BRWD1: variants seen among roughly 807,000 people sequenced by gnomAD.
BRWD1 encodes bromodomain and WD repeat-containing protein 1.
A neutral mutation model predicts 251.2 loss-of-function variants in BRWD1; 82 were observed. The observed-to-expected ratio is 0.33, with a 90% CI of 0.27 to 0.39. The LOEUF is 0.39. Ranked by LOEUF, BRWD1 falls within the 10% of genes least tolerant of loss-of-function variation. BRWD1 has a pLI of 1.00. For missense variants in BRWD1, 2,233 were observed against 2,711.6 expected (o/e 0.82, Z 3.92); for synonymous variants, 918 against 902.8 (o/e 1.02, Z -0.30).
chr21:39,267,751 A>G (rs2034970492), intron 15 of BRWD1, among the ~76,000 whole-genome samples: 1 of 152,368 alleles, frequency 6.6e-6, no homozygotes, highest in Admixed American at 6.5e-5. Flanking sequence ...ATAATCATGT[A>G]CAAGGCTATT....
At chr21:39,313,788 A>G (rs2036615828), upstream of BRWD1, 3 of 374,556 alleles carry the variant, frequency 8.0e-6, no homozygotes, top group Non-Finnish European at 1.5e-5. Flanking sequence ...CGGGGACTCG[A>G]TGAGGAGAAA....
intron 23 of BRWD1, chr21:39,235,647 T>C (rs2033783638): frequency 4.5e-6 from 1 of 220,326 alleles, no homozygotes; most frequent in African/African-American, 2.3e-5. Flanking sequence ...CCCCAAATTC[T>C]TTCCCCAAGT....
At chr21:39,230,924 G>A (rs1375336778) in intron 25 of BRWD1, among the ~76,000 whole-genome samples, 1 of 152,026 alleles carries the variant, frequency 6.6e-6, no homozygotes, top group Non-Finnish European at 1.5e-5. Flanking sequence ...AAGGCTCTGA[G>A]AGTACTGTTT....
At position 39,225,210 on chromosome 21, in the gene BRWD1, T is replaced by A; in HGVS notation, c.3209-13A>T. 6.5e-7 allele frequency: 1 copy of A among 1,546,968 alleles called. No individual in the cohort carries two copies. On this transcript the variant is annotated splice_polypyrimidine_tract_variant and intron_variant, in intron 27 of 40. Coordinates refer to ENST00000342449, the MANE Select transcript of BRWD1 (RefSeq NM_033656.4). ...CGGAATCTGTCACCTAGGAGAGAAA[T>A]GATCAAGTCTGAGGCATTTCTCTGC...
chr21:39,281,892 A>G (rs995246646), intron 8 of BRWD1, among the ~76,000 whole-genome samples: 1 of 18,318 alleles, frequency 5.5e-5, no homozygotes, highest in Non-Finnish European at 1.2e-4. Context: ...ATATATATAT[A>G]TGTATGTATG....
intron 30 of BRWD1, 39 bp downstream of exon 30, chr21:39,218,466 G>C (rs1358171022): frequency 3.3e-6 from 5 of 1,504,280 alleles, no homozygotes; most frequent in Non-Finnish European, 4.4e-6. Context: ...GAAAAAAATT[G>C]AAAAAAAAAC....
At chr21:39,309,410 A>G (rs1235399360) in intron 4 of BRWD1, among the ~76,000 whole-genome samples, 4 of 151,988 alleles carry the variant, frequency 2.6e-5, no homozygotes, top group African/African-American at 9.7e-5. Context: ...GTGAGCTGTG[A>G]TCACACCACT....
At position 39,197,341 on chromosome 21, in the gene BRWD1, T is replaced by A. The variant is rs1244099347; in HGVS notation, c.5728A>T (p.Ser1910Cys). Residue 1910 changes from serine to cysteine, a missense_variant, in exon 41 of 41, where the codon AGT (serine) becomes TGT (cysteine). This residue lies in a region of BRWD1 where 928 missense variants were observed against 970.0 expected (regional missense o/e 0.96). Coordinates refer to ENST00000342449, the MANE Select transcript of BRWD1 (RefSeq NM_033656.4). ...KRVCSSDSDS[S>C]LQVVKKSSKA... ...GATGATTTCTTAACCACCTGTAAAC[T>A]ACTGTCTGAGTCACTGGAACAGACC... The A allele has an allele frequency of 1.9e-6, 3 of 1,613,874 alleles. No homozygotes were observed. The African/African-American group carries it at 4.0e-5, about 22-fold the overall frequency.
chr21:39,249,012 C>G (rs1275715125), intron 20 of BRWD1, among the ~76,000 whole-genome samples: 2 of 151,922 alleles, frequency 1.3e-5, no homozygotes, highest in Middle Eastern at 3.4e-3. Context: ...TATATATAAA[C>G]TATGGAATAC....
upstream of BRWD1, chr21:39,314,734 A>G (rs1274708327): frequency 8.3e-6 from 2 of 241,432 alleles, no homozygotes; most frequent in Non-Finnish European, 8.4e-6. Flanking sequence ...GCAATAACCT[A>G]CACACCACAT....
chr21:39,294,550 G>T (rs1222255500), intron 7 of BRWD1, among the ~76,000 whole-genome samples: 1 of 151,894 alleles, frequency 6.6e-6, no homozygotes, highest in Non-Finnish European at 1.5e-5. Flanking sequence ...AACTACTGAA[G>T]AGGCTGAGGC....
intron 29 of BRWD1, among the ~76,000 whole-genome samples, chr21:39,221,325 TATGTG>T (rs2033168310): frequency 6.6e-6 from 1 of 152,062 alleles, no homozygotes; most frequent in African/African-American, 2.4e-5. Context: ...ATGAAACAAA[TATGTG>T]ATGTAGTTAT....
intron 25 of BRWD1, 139 bp from the exon 26 acceptor site, chr21:39,229,575 C>A: frequency 2.6e-6 from 2 of 758,450 alleles, no homozygotes; most frequent in Non-Finnish European, 4.2e-6. Context: ...CCATTAATTA[C>A]ATTCAATTTT....
chr21:39,232,581 A>G (rs768105943), intron 23 of BRWD1, 83 bp from the exon 24 acceptor site: 75 of 1,485,972 alleles, frequency 5.0e-5, no homozygotes, highest in Non-Finnish European at 6.5e-5. Context: ...AGAAACTTTC[A>G]CCATTCAGAA....
intron 8 of BRWD1, among the ~76,000 whole-genome samples, chr21:39,291,255 G>C (rs2836974): frequency 2.6e-5 from 4 of 152,000 alleles, no homozygotes; most frequent in African/African-American, 9.7e-5. Context: ...TAAGTGACCA[G>C]TAATACACAG....
chr21:39,282,331 G>A (rs1010809769), intron 8 of BRWD1, among the ~76,000 whole-genome samples: 2 of 152,014 alleles, frequency 1.3e-5, no homozygotes, highest in African/African-American at 4.8e-5. Context: ...TTAACAGAAA[G>A]CAAAGTAAGG....
At chr21:39,248,541 G>A (rs752737436) in intron 20 of BRWD1, among the ~76,000 whole-genome samples, 1 of 151,422 alleles carries the variant, frequency 6.6e-6, no homozygotes, top group East Asian at 1.9e-4. Flanking sequence ...GGGAGGCTGA[G>A]GGGGGAGGAT....
At chr21:39,256,841 C>T (rs559191944) in intron 18 of BRWD1, among the ~76,000 whole-genome samples, 2 of 152,208 alleles carry the variant, frequency 1.3e-5, no homozygotes, top group Admixed American at 1.3e-4. Flanking sequence ...GAAAAATCCA[C>T]GAGTGAATGC....
In BRWD1 at chr21:39,194,153, T is replaced by A. The variant is rs1415197100; in HGVS notation, c.*2106A>T. 1 of 985,108 alleles carries A rather than the reference T, an allele frequency of 1.0e-6. No homozygotes were observed. Among genetic ancestry groups the A allele is most frequent in the African/African-American group, 1.7e-5 (1 of 57,230 alleles). 61.0% of individuals were successfully genotyped at this position (985,108 alleles called of 1,614,324 possible). On this transcript the variant is annotated 3_prime_UTR_variant, in exon 41 of 41. Transcript: ENST00000342449. ...GGATGGCCAGTCAATGACCAATTAATGCAGTCCAAATAATCAGAATAGTTC... is the reference window on the plus strand; with the variant it reads ...GGATGGCCAGTCAATGACCAATTAAAGCAGTCCAAATAATCAGAATAGTTC...
Sources: allele counts gnomAD v4.1 joint callset (sites outside exome capture counted in the v4.1 genomes callset), GRCh38; gene constraint gnomAD v4.1.1; regional missense constraint gnomAD v4.1.1; transcripts MANE v1.5; gene names NCBI Gene and HGNC (gene_info 2026-07-23, HGNC 2026-07-21).